The following KIF1B variants were observed in gnomAD, a reference collection of about 807,000 sequenced individuals.
KIF1B encodes the protein kinesin-like protein KIF1B.
Under a neutral mutation model 241.9 loss-of-function variants are expected in KIF1B, and 76 were observed. The ratio of observed to expected loss-of-function variants is 0.31; its 90% CI spans 0.26 to 0.38. KIF1B has a LOEUF of 0.38. KIF1B is among the 10% of genes least tolerant of loss of function. The probability of loss-of-function intolerance (pLI) is 1.00; values close to 1 mark genes in which losing one functional copy is unlikely to be tolerated. For synonymous variants in KIF1B, 750 were observed against 796.7 expected (o/e 0.94, Z 0.99); for missense variants, 1,622 against 2,271.4 (o/e 0.71, Z 5.81).
chr1:10,315,767 A>G (rs956263503), intron 22 of KIF1B, among the ~76,000 whole-genome samples: 7 of 151,360 alleles, frequency 4.6e-5, no homozygotes, highest in Admixed American at 6.6e-5. Context: ...TAAGAATGCT[A>G]TAAAGGGGCC....
At chr1:10,291,194 G>C in intron 16 of KIF1B, 33 bp downstream of exon 16, 1 of 1,349,400 alleles carries the variant, frequency 7.4e-7, no homozygotes, top group East Asian at 2.3e-5. Flanking sequence ...ATGTTTCTAA[G>C]TTTTCTAGGG....
chr1:10,275,405 G>T, intron 10 of KIF1B, 23 bp from the exon 11 acceptor site: 1 of 1,335,136 alleles, frequency 7.5e-7, no homozygotes, highest in South Asian at 1.2e-5. Flanking sequence ...AAAATGCTAA[G>T]ACCATTTCTT....
At chr1:10,339,484 G>A (rs1174500183) in intron 31 of KIF1B, among the ~76,000 whole-genome samples, 2 of 152,150 alleles carry the variant, frequency 1.3e-5, no homozygotes, top group East Asian at 3.8e-4. Context: ...CAAAGGAAGA[G>A]GAGTTAATTG....
chr1:10,244,814 GTT>G (rs1054014500), intron 2 of KIF1B, among the ~76,000 whole-genome samples: 1 of 146,454 alleles, frequency 6.8e-6, no homozygotes, highest in Non-Finnish European at 1.5e-5. Flanking sequence ...GGGTTTCACT[GTT>G]TTAGCCAGGA....
In KIF1B at chr1:10,261,994, C is replaced by T. The variant is rs369861357; in HGVS notation, c.429+24C>T. On this transcript the variant is annotated intron_variant, in intron 5 of 48. Transcript: ENST00000676179. ...AGGTGAGTACAGCCGTGAGTTGACA[C>T]CGTAAGCCCTTGTTTTCCATTCTCT... 40 of 1,527,040 alleles carry T rather than the reference C, an allele frequency of 2.6e-5. No individual in the cohort carries two copies. In the African/African-American group the frequency reaches 5.3e-4, roughly 20 times the overall value. 94.6% of individuals were successfully genotyped at this position (1,527,040 alleles called of 1,614,324 possible). A position where few individuals can be genotyped will look rare whatever the true frequency, so the allele number is the denominator to read the frequency against.
At chr1:10,317,685 G>A (rs1182827158) in intron 22 of KIF1B, among the ~76,000 whole-genome samples, 2 of 151,122 alleles carry the variant, frequency 1.3e-5, no homozygotes, top group Admixed American at 1.3e-4. Context: ...CAAAAAATTA[G>A]CCAGGCACGG....
At chr1:10,224,906 G>T (rs1646891274) in intron 1 of KIF1B, among the ~76,000 whole-genome samples, 1 of 152,148 alleles carries the variant, frequency 6.6e-6, no homozygotes. Context: ...CCACAGACAG[G>T]GTTGGGGTGA....
intron 34 of KIF1B, chr1:10,344,749 T>G (rs1256247775): frequency 1.3e-5 from 2 of 152,212 alleles, no homozygotes; most frequent in African/African-American, 2.4e-5. Context: ...ATAAAGCTCC[T>G]TTATGTACAT....
At chr1:10,271,361 C>A (rs1419873653) in intron 7 of KIF1B, 141 bp from the exon 8 acceptor site, 7 of 737,374 alleles carry the variant, frequency 9.5e-6, no homozygotes, top group Non-Finnish European at 1.2e-5. Context: ...TTGTCTTGAT[C>A]TTTTTGTGCC....
intron 40 of KIF1B, among the ~76,000 whole-genome samples, 163 bp downstream of exon 40, chr1:10,361,988 T>C (rs1638436711): frequency 6.6e-6 from 1 of 152,196 alleles, no homozygotes; most frequent in Non-Finnish European, 1.5e-5. Flanking sequence ...TGACATTTAA[T>C]AAAATGTTGA....
At chr1:10,278,180 C>T (rs774523147) in intron 13 of KIF1B, 52 bp downstream of exon 13, 1 of 1,563,892 alleles carries the variant, frequency 6.4e-7, no homozygotes, top group Non-Finnish European at 8.8e-7. Context: ...CTTCAGGGTT[C>T]TTATTCAGCG....
At chr1:10,272,094 A>G (rs563764119) in intron 8 of KIF1B, 147 bp from the exon 9 acceptor site, 4 of 652,520 alleles carry the variant, frequency 6.1e-6, no homozygotes, top group East Asian at 2.7e-5. Flanking sequence ...TCAAGTGGAA[A>G]AGAGGACAGA....
chr1:10,261,571 A>T (rs1489987958), intron 4 of KIF1B, among the ~76,000 whole-genome samples: 1 of 152,176 alleles, frequency 6.6e-6, no homozygotes. Flanking sequence ...AAAAAATTTA[A>T]ACTTTTTTGT....
intron 22 of KIF1B, among the ~76,000 whole-genome samples, chr1:10,319,255 C>T (rs1651426514): frequency 6.6e-6 from 1 of 152,076 alleles, no homozygotes; most frequent in Non-Finnish European, 1.5e-5. Flanking sequence ...GCACGTGCCA[C>T]CATGGCCAGC....
In KIF1B at chr1:10,352,803, C is replaced by T. The variant is rs186924094; in HGVS notation, c.4055+67C>T. Reference sequence around the variant, plus strand: ...GCGTTAATTGGTACACCGTTAGGTGCCTTATTCATTAATGACTCCCAGTTC... The same window carrying T: ...GCGTTAATTGGTACACCGTTAGGTGTCTTATTCATTAATGACTCCCAGTTC... On this transcript the variant is annotated intron_variant, in intron 38 of 48. Transcript: ENST00000676179. 19 of 1,121,596 alleles carry T rather than the reference C, an allele frequency of 1.7e-5. No individual in the cohort carries two copies. In the African/African-American group the frequency reaches 2.1e-4, roughly 13 times the overall value. 69.5% of individuals were successfully genotyped at this position (1,121,596 alleles called of 1,614,324 possible).
intron 2 of KIF1B, among the ~76,000 whole-genome samples, chr1:10,255,173 T>C (rs1647704183): frequency 1.3e-5 from 2 of 152,126 alleles, no homozygotes; most frequent in East Asian, 3.9e-4. Flanking sequence ...AGTCTCGAAT[T>C]CCTGACCTCA....
chr1:10,338,195 C>A (rs2102317220), intron 31 of KIF1B, among the ~76,000 whole-genome samples: 1 of 152,240 alleles, frequency 6.6e-6, no homozygotes, highest in East Asian at 1.9e-4. Context: ...TGAAGTGTGA[C>A]CCCTCCATAC....
At chr1:10,360,279 C>G (rs986065866) in intron 38 of KIF1B, among the ~76,000 whole-genome samples, 3 of 152,152 alleles carry the variant, frequency 2.0e-5, no homozygotes, top group East Asian at 3.9e-4. Context: ...GTCTTTCTTT[C>G]TTCTTTCAGT....
At chr1:10,351,878 TGGGA>T (rs1217982601) in intron 37 of KIF1B, among the ~76,000 whole-genome samples, 1 of 151,572 alleles carries the variant, frequency 6.6e-6, no homozygotes, top group Non-Finnish European at 1.5e-5. Flanking sequence ...GTGGCTTAGG[TGGGA>T]GGATCACTTC....
Sources: allele counts gnomAD v4.1 joint callset (sites outside exome capture counted in the v4.1 genomes callset), GRCh38; gene constraint gnomAD v4.1.1; transcripts MANE v1.5; gene names NCBI Gene and HGNC (gene_info 2026-07-23, HGNC 2026-07-21).